The following RGS5 variants were observed in gnomAD, a reference collection of about 807,000 sequenced individuals.
RGS5 encodes regulator of G-protein signalling 5.
In RGS5, 20 loss-of-function variants were observed where a neutral mutation model predicts 18.9. The ratio of observed to expected loss-of-function variants is 1.06; its 90% CI spans 0.74 to 1.54. The LOEUF is 1.54. RGS5 is among the 40% of genes most tolerant of loss of function. The pLI, the probability that RGS5 is intolerant of heterozygous loss-of-function variation, is 0.00. For missense variants in RGS5, 201 were observed against 211.8 expected, an observed-to-expected ratio of 0.95 and a Z score of 0.32; for synonymous variants, 57 against 76.2, an observed-to-expected ratio of 0.75 and a Z score of 1.31.
At chr1:163,209,693 A>G (rs937764016) in intron 1 of RGS5, among the ~76,000 whole-genome samples, 2 of 152,102 alleles carry the variant, frequency 1.3e-5, no homozygotes, top group Non-Finnish European at 2.9e-5. Flanking sequence ...TATTAAGTGT[A>G]TATTTTGATA....
At chr1:163,280,862 T>C (rs988194394) in intron 2 of RGS5, among the ~76,000 whole-genome samples, 1 of 152,224 alleles carries the variant, frequency 6.6e-6, no homozygotes, top group African/African-American at 2.4e-5. Flanking sequence ...CTATCTGACT[T>C]TAAAATATAC....
At chr1:163,310,175 A>C (rs1649814860) in intron 1 of RGS5, among the ~76,000 whole-genome samples, 1 of 152,184 alleles carries the variant, frequency 6.6e-6, no homozygotes, top group African/African-American at 2.4e-5. Context: ...AATTTTCAGA[A>C]TGGTCAGTGA....
upstream of RGS5, among the ~76,000 whole-genome samples, chr1:163,222,151 T>A (rs138301884): frequency 3.9e-5 from 6 of 152,108 alleles, no homozygotes; most frequent in East Asian, 1.2e-3. Flanking sequence ...GGCCGCCTGA[T>A]CAGTACCAGT....
At chr1:163,310,116 T>C (rs1404121357) in intron 1 of RGS5, among the ~76,000 whole-genome samples, 2 of 152,224 alleles carry the variant, frequency 1.3e-5, no homozygotes, top group Non-Finnish European at 2.9e-5. Context: ...GTTGTTCCAT[T>C]GACAGAGTAG....
intron 2 of RGS5, among the ~76,000 whole-genome samples, chr1:163,291,448 A>G (rs1649285502): frequency 6.6e-6 from 1 of 152,152 alleles, no homozygotes; most frequent in Middle Eastern, 3.2e-3. Context: ...ATGACAGACT[A>G]CCAGGCTAGG....
In RGS5 at chr1:163,146,897, G is replaced by C. The variant is rs1657150458; in HGVS notation, c.*445C>G. Reference sequence around the variant, plus strand: ...AACCAAGTTCAGAAATAATTAGAGGGGTGATCTCCCTGGATCAGAACTAAA... The same window carrying C: ...AACCAAGTTCAGAAATAATTAGAGGCGTGATCTCCCTGGATCAGAACTAAA... On this transcript the variant is annotated 3_prime_UTR_variant, in exon 5 of 5. Coordinates refer to ENST00000313961, the MANE Select transcript of RGS5 (RefSeq NM_003617.4). 6.6e-6 allele frequency: 1 copy of C among 152,446 alleles called. No individual in the cohort carries two copies. Among genetic ancestry groups the C allele is most frequent in the Non-Finnish European group, 1.5e-5 (1 of 68,276 alleles). 9.4% of individuals were successfully genotyped at this position (152,446 alleles called of 1,614,324 possible).
At position 163,201,010 on chromosome 1, in the gene RGS5, C is replaced by A. The variant is rs553662602; in HGVS notation, c.44+1782G>T. On this transcript the variant is annotated intron_variant, in intron 1 of 4. Coordinates refer to ENST00000313961, the MANE Select transcript of RGS5 (RefSeq NM_003617.4). ...ACATAGAGCAAAATAATTAACATGGCAAATTTTCAACAGAAATTTTATTGA... is the reference window on the plus strand; with the variant it reads ...ACATAGAGCAAAATAATTAACATGGAAAATTTTCAACAGAAATTTTATTGA... Among the ~76,000 whole-genome samples, 4 of 152,202 alleles carry A rather than the reference C, an allele frequency of 2.6e-5. No homozygotes were observed. The East Asian group carries it at 5.8e-4, about 22-fold the overall frequency.
intron 1 of RGS5, among the ~76,000 whole-genome samples, chr1:163,307,217 T>C (rs926951654): frequency 6.6e-6 from 1 of 152,070 alleles, no homozygotes; most frequent in Non-Finnish European, 1.5e-5. Context: ...CTCTACCACA[T>C]CCCTCTTCTA....
rs780186738 is a variant in RGS5 at position 163,147,299 on chromosome 1, G to A, written c.*43C>T. On this transcript the variant is annotated 3_prime_UTR_variant, in exon 5 of 5. Coordinates refer to ENST00000313961, the MANE Select transcript of RGS5 (RefSeq NM_003617.4). ...TAATGGGAAATGCAGGGTTATTATG[G>A]AGGAAATAACTCACAGGATGATTTC... 5.9e-6 allele frequency: 9 copies of A among 1,534,394 alleles called. No individual in the cohort carries two copies. The highest frequency in any genetic ancestry group is 4.7e-5 in the East Asian group (2 of 42,974).
At chr1:163,295,774 T>C (rs771010548) in intron 2 of RGS5, among the ~76,000 whole-genome samples, 2 of 152,206 alleles carry the variant, frequency 1.3e-5, no homozygotes, top group Non-Finnish European at 2.9e-5. Flanking sequence ...TTCAGTTTGT[T>C]GGGTGACATC....
chr1:163,180,630 T>G (rs1446592763), intron 1 of RGS5, among the ~76,000 whole-genome samples: 1 of 151,344 alleles, frequency 6.6e-6, no homozygotes, highest in African/African-American at 2.4e-5. Context: ...TACAGAACAA[T>G]TCTGTCACCC....
intron 2 of RGS5, among the ~76,000 whole-genome samples, chr1:163,283,114 T>C (rs1274797921): frequency 6.6e-6 from 1 of 152,018 alleles, no homozygotes; most frequent in Non-Finnish European, 1.5e-5. Context: ...AGAAATGTGG[T>C]TATTAGATCC....
chr1:163,153,267 G>T (rs1657450450), intron 3 of RGS5, among the ~76,000 whole-genome samples: 1 of 152,120 alleles, frequency 6.6e-6, no homozygotes, highest in African/African-American at 2.4e-5. Context: ...AATAGACATG[G>T]TTCCTGTCCT....
At chr1:163,161,320 G>T (rs933215855) in intron 3 of RGS5, among the ~76,000 whole-genome samples, 1 of 152,162 alleles carries the variant, frequency 6.6e-6, no homozygotes, top group Non-Finnish European at 1.5e-5. Flanking sequence ...TTGGGGAAAT[G>T]CACCTAGTGC....
intron 1 of RGS5, among the ~76,000 whole-genome samples, chr1:163,214,669 G>T (rs116025744): frequency 1.4e-3 from 217 of 152,130 alleles, no homozygotes; most frequent in African/African-American, 5.1e-3. Flanking sequence ...GTTCTTTAAA[G>T]AATTTTTTCC....
chr1:163,191,561 GT>G (rs1161176827), intron 1 of RGS5, among the ~76,000 whole-genome samples: 1 of 152,124 alleles, frequency 6.6e-6, no homozygotes, highest in African/African-American at 2.4e-5. Flanking sequence ...TCATGAGTGC[GT>G]TTCTTATTAT....
At chr1:163,288,900 A>G (rs1649211289) in intron 2 of RGS5, among the ~76,000 whole-genome samples, 1 of 152,182 alleles carries the variant, frequency 6.6e-6, no homozygotes, top group African/African-American at 2.4e-5. Flanking sequence ...GAAACCTAAA[A>G]GTAATAATAG....
In RGS5 at chr1:163,214,987, T is replaced by A. The variant is rs538259686; in HGVS notation, c.69+2539A>T. On this transcript the variant is annotated intron_variant, in intron 1 of 5. Transcript: ENST00000367903. ...TCCATTATCAAGAAAACCATTATGA[T>A]GCATTTAGTTTGCTTTCAAATAACC... Among the ~76,000 whole-genome samples the A allele has an allele frequency of 5.3e-5, 8 of 152,310 alleles. No homozygotes were observed. The South Asian group carries it at 1.7e-3, about 32-fold the overall frequency.
chr1:163,202,620 C>A (rs1659817948), intron 1 of RGS5, among the ~76,000 whole-genome samples, 172 bp downstream of exon 1: 1 of 152,152 alleles, frequency 6.6e-6, no homozygotes, highest in Non-Finnish European at 1.5e-5. Context: ...TTGGATCTTT[C>A]AAAATCTCTA....
Sources: allele counts gnomAD v4.1 joint callset (sites outside exome capture counted in the v4.1 genomes callset), GRCh38; gene constraint gnomAD v4.1.1; transcripts MANE v1.5; gene names NCBI Gene and HGNC (gene_info 2026-07-23, HGNC 2026-07-21).